NME6: variants seen among roughly 807,000 people sequenced by gnomAD.
NME6 encodes the protein NME/NM23 nucleoside diphosphate kinase 6.
A neutral mutation model predicts 22.2 loss-of-function variants in NME6; 16 were observed. That is an observed-to-expected ratio of 0.72 (90% CI 0.49 to 1.09). NME6 has a LOEUF of 1.09. Among genes scored for constraint, NME6 ranks in the 50% least tolerant of loss-of-function variants. The probability of loss-of-function intolerance (pLI) is 0.00; values close to 1 mark genes in which losing one functional copy is unlikely to be tolerated. For missense variants in NME6, 229 were observed against 239.0 expected (o/e 0.96, Z 0.28); for synonymous variants, 58 against 85.2 (o/e 0.68, Z 1.76).
intron 4 of NME6, 185 bp downstream of exon 4, chr3:48,295,934 C>T: frequency 1.6e-6 from 1 of 614,898 alleles, no homozygotes; most frequent in East Asian, 2.8e-5. Context: ...CCAGGCTGGT[C>T]TCAAACTCCT....
chr3:48,294,839 C>A (rs757992978), intron 5 of NME6, 36 bp from the exon 6 acceptor site: 147 of 1,601,870 alleles, frequency 9.2e-5, no homozygotes, highest in Admixed American at 1.3e-4. Flanking sequence ...GGGGTTCTCA[C>A]ATGGTAGAAG....
rs1263648400 is a variant in NME6 at position 48,292,522 on chromosome 3, G to A, written c.*2115C>T. The A allele has an allele frequency of 6.6e-6, 1 of 152,024 alleles. No individual in the cohort carries two copies. Among genetic ancestry groups the A allele is most frequent in the Non-Finnish European group, 1.5e-5 (1 of 67,982 alleles). 9.4% of individuals were successfully genotyped at this position (152,024 alleles called of 1,614,324 possible). ...TTGTTGATACTTTGTGGGCTGAGAT[G>A]TTGACAGATTTTGTTCCAGACTATT... On this transcript the variant is annotated 3_prime_UTR_variant, in exon 6 of 6. Coordinates refer to ENST00000442597, the MANE Select transcript of NME6 (RefSeq NM_001308426.2).
Position 48,295,122 on chromosome 3 carries a change from C to G in NME6, c.347G>C (p.Arg116Pro). 1.2e-6 allele frequency: 2 copies of G among 1,614,166 alleles called. No homozygotes were observed. The highest frequency in any genetic ancestry group is 1.7e-6 in the Non-Finnish European group (2 of 1,180,032). Residue 116 changes from arginine to proline, a missense_variant, in exon 5 of 6, where the codon CGT (arginine) becomes CCT (proline). Transcript: ENST00000442597. ...RARHVAPDSI[R>P]GSFGLTDTRN... Reference sequence around the variant, plus strand: ...GGTGTCAGTGAGGCCGAAACTCCCACGGATAGAATCTGGGGCCACATGGCG... The same window carrying G: ...GGTGTCAGTGAGGCCGAAACTCCCAGGGATAGAATCTGGGGCCACATGGCG...
At chr3:48,299,760 G>A (rs970769689) in intron 1 of NME6, among the ~76,000 whole-genome samples, 3 of 152,080 alleles carry the variant, frequency 2.0e-5, no homozygotes, top group African/African-American at 7.2e-5. Flanking sequence ...AAACTGCCAT[G>A]GTCGCTCCTA....
chr3:48,296,156 G>A lies in NME6; in HGVS notation c.196C>T (p.Arg66Cys), dbSNP rs752089538. The A allele has an allele frequency of 1.2e-5, 19 of 1,614,102 alleles. 1 individual carries two copies. In the East Asian group the frequency reaches 2.5e-4, roughly 21 times the overall value. The change falls in exon 4 of 6, where the codon CGT (arginine) becomes TGT (cysteine). Residue 66 changes from arginine (R) to cysteine (C), a missense_variant and splice_region_variant. Transcript: ENST00000442597. ...CQRFYREHEG[R>C]FFYQRLVEFM... ...TCCACCAGCCTCTGATAGAAAAAAC[G>A]CCCTGCAAAGAGAGAGGACCTTCAT...
intron 2 of NME6, chr3:48,297,916 G>A (rs1249179874): frequency 1.2e-5 from 2 of 167,218 alleles, no homozygotes; most frequent in Non-Finnish European, 2.6e-5. Context: ...CCTGCCTGAA[G>A]GCCAACAGGG....
At chr3:48,298,254 C>T in intron 2 of NME6, 173 bp downstream of exon 2, 1 of 648,276 alleles carries the variant, frequency 1.5e-6, no homozygotes, top group East Asian at 2.8e-5. Context: ...TTAGGTCTGC[C>T]TCAAGTCTCC....
At chr3:48,288,752 C>G (rs932556759), downstream of NME6, 1 of 152,034 alleles carries the variant, frequency 6.6e-6, no homozygotes, top group Non-Finnish European at 1.5e-5. Context: ...TTATGAAGAG[C>G]ATGATACACT....
Position 48,294,105 on chromosome 3 carries a change from C to T in NME6, c.*532G>A, listed in dbSNP as rs1381844514. ...AGCTTCTTTTTTTTTTTTTTTGAGACAGAATGTCGCCCAGGCTGGAGTGCA... is the reference window on the plus strand; with the variant it reads ...AGCTTCTTTTTTTTTTTTTTTGAGATAGAATGTCGCCCAGGCTGGAGTGCA... On this transcript the variant is annotated 3_prime_UTR_variant, in exon 6 of 6. Coordinates refer to ENST00000442597, the MANE Select transcript of NME6 (RefSeq NM_001308426.2). The T allele has an allele frequency of 6.8e-6, 1 of 146,884 alleles. No homozygotes were observed. The highest frequency in any genetic ancestry group is 1.5e-5 in the Non-Finnish European group (1 of 66,822). The allele number at this position is 146,884 out of a possible 1,614,324, so 9.1% of individuals were successfully genotyped here.
chr3:48,295,612 G>A, intron 4 of NME6: 1 of 241,538 alleles, frequency 4.1e-6, no homozygotes, highest in Non-Finnish European at 8.0e-6. Context: ...TTCAATCTCG[G>A]CTCACTGCAA....
chr3:48,299,624 C>T (rs952453256), intron 1 of NME6, among the ~76,000 whole-genome samples: 10 of 151,828 alleles, frequency 6.6e-5, no homozygotes, highest in Admixed American at 2.0e-4. Flanking sequence ...AATCATTTGT[C>T]GACAAATACA....
At chr3:48,291,004 AT>A, downstream of NME6, 1 of 284,688 alleles carries the variant, frequency 3.5e-6, no homozygotes. Flanking sequence ...AATCGTTCAA[AT>A]TTTGGATCCT....
intron 4 of NME6, 55 bp downstream of exon 4, chr3:48,296,064 G>A: frequency 8.7e-7 from 1 of 1,148,184 alleles, no homozygotes; most frequent in Non-Finnish European, 1.3e-6. Flanking sequence ...ATCCATTTAG[G>A]GGCAGGGGAG....
At chr3:48,297,414 T>C (rs951172762) in intron 2 of NME6, 3 of 153,108 alleles carry the variant, frequency 2.0e-5, no homozygotes, top group African/African-American at 7.2e-5. Flanking sequence ...TACCATTCCT[T>C]TGAGGCCCAG....
intron 1 of NME6, chr3:48,299,208 G>C (rs984908795): frequency 4.2e-6 from 2 of 474,698 alleles, no homozygotes; most frequent in Non-Finnish European, 3.7e-6. Flanking sequence ...ACACAAAGGT[G>C]CTTGATCAAT....
chr3:48,298,050 T>C, intron 2 of NME6: 1 of 290,318 alleles, frequency 3.4e-6, no homozygotes, highest in Non-Finnish European at 6.6e-6. Flanking sequence ...ACCTTGACTT[T>C]GGCCTTGTGA....
downstream of NME6, chr3:48,291,676 C>T (rs190557594): frequency 5.9e-4 from 91 of 153,608 alleles, 1 homozygote; most frequent in Non-Finnish European, 9.3e-4. Flanking sequence ...TGAGCCACTG[C>T]GCCCAGCCTA....
rs1174396484 is a variant in NME6 at position 48,294,761 on chromosome 3, G to A, written c.437C>T (p.Pro146Leu). 6.2e-7 allele frequency: 1 copy of A among 1,614,058 alleles called. No homozygotes were observed. The highest frequency in any genetic ancestry group is 8.5e-7 in the Non-Finnish European group (1 of 1,180,036). ...ATACCAGCGCTGTTCACTGAAGTCAGGGAAGAAGGCTGCAATCTCTCTGCT... is the reference window on the plus strand; with the variant it reads ...ATACCAGCGCTGTTCACTGAAGTCAAGGAAGAAGGCTGCAATCTCTCTGCT... ...SASREIAAFF[P>L]DFSEQRWYEE... The change falls in exon 6 of 6, where the codon CCT (proline) becomes CTT (leucine). Residue 146 changes from proline to leucine, a missense_variant. Pro to Leu is a moderately conservative substitution (Grantham distance 98). Coordinates refer to ENST00000442597, the MANE Select transcript of NME6 (RefSeq NM_001308426.2).
In NME6 at chr3:48,294,387, TGAA is replaced by T. The variant is rs2034832442; in HGVS notation, c.*247_*249del. 1 of 386,146 alleles carries T rather than the reference TGAA, an allele frequency of 2.6e-6. No individual in the cohort carries two copies. Among genetic ancestry groups the T allele is most frequent in the Non-Finnish European group, 4.8e-6 (1 of 209,056 alleles). The allele number at this position is 386,146 out of a possible 1,614,324, so 23.9% of individuals were successfully genotyped here. A position where few individuals can be genotyped will look rare whatever the true frequency, so the allele number is the denominator to read the frequency against. ...GTGCCCGGCCTGGCAAGCTTCTTCT[TGAA>T]GAAGGATGAACAGTTCTCAGCAAAG... On this transcript the variant is annotated 3_prime_UTR_variant, in exon 6 of 6. Coordinates refer to ENST00000442597, the MANE Select transcript of NME6 (RefSeq NM_001308426.2).
Sources: allele counts gnomAD v4.1 joint callset (sites outside exome capture counted in the v4.1 genomes callset), GRCh38; gene constraint gnomAD v4.1.1; transcripts MANE v1.5; gene names NCBI Gene and HGNC (gene_info 2026-07-23, HGNC 2026-07-21).